EYS: variants seen among roughly 807,000 people sequenced by gnomAD.
The protein encoded by EYS is protein eyes shut homolog.
In EYS, 250 loss-of-function variants were observed where a neutral mutation model predicts 282.1. The observed-to-expected ratio is 0.89, with a 90% CI of 0.80 to 0.98. The LOEUF is 0.98. Among genes scored for constraint, EYS ranks in the 50% least tolerant of loss-of-function variants. The pLI is 0.00. For missense variants in EYS, 4,016 were observed against 3,709.0 expected, an observed-to-expected ratio of 1.08 and a Z score of -2.15; for synonymous variants, 1,355 against 1,282.9, an observed-to-expected ratio of 1.06 and a Z score of -1.20.
rs573364844 is a variant in EYS at position 64,198,004 on chromosome 6, T to C, written c.6424+32588A>G. Among the ~76,000 whole-genome samples, 4 of 150,546 alleles carry C rather than the reference T, an allele frequency of 2.7e-5. No homozygotes were observed. In the East Asian group the frequency reaches 5.8e-4, roughly 22 times the overall value. On this transcript the variant is annotated intron_variant, in intron 31 of 42. Transcript: ENST00000503581. ...TTTTATTTATTTATTTATTTATTTA[T>C]TTTTTTGAGACGGAGTCTCGCTCTG...
intron 31 of EYS, among the ~76,000 whole-genome samples, chr6:64,170,156 G>A (rs1160015207): frequency 2.6e-5 from 4 of 151,992 alleles, no homozygotes; most frequent in Non-Finnish European, 5.9e-5. Context: ...TTGCTTTTCC[G>A]CATTGTCCCA....
chr6:64,291,592 G>A (rs549998248), intron 30 of EYS, among the ~76,000 whole-genome samples: 1 of 152,152 alleles, frequency 6.6e-6, no homozygotes, highest in African/African-American at 2.4e-5. Flanking sequence ...GTGCAGGGAA[G>A]TGAAACTATA....
At chr6:64,701,965 G>C (rs1770807588) in intron 22 of EYS, among the ~76,000 whole-genome samples, 1 of 151,764 alleles carries the variant, frequency 6.6e-6, no homozygotes, top group Non-Finnish European at 1.5e-5. Context: ...AGAATGGAGT[G>C]CATATTATGT....
intron 5 of EYS, among the ~76,000 whole-genome samples, chr6:65,424,647 T>G (rs2150379442): frequency 6.6e-6 from 1 of 152,150 alleles, no homozygotes. Flanking sequence ...AGAGTAGGTA[T>G]CCTAAGTTTA....
chr6:64,439,007 A>G lies in EYS; in HGVS notation c.5835+155T>C, dbSNP rs3904083. ...TTGGTTGTTGTTGGTTCATATATAC[A>G]TAGAAAGAAATTATAAAAGTAGAGG... is the stretch of plus-strand genomic sequence containing the variant. On this transcript the variant is annotated intron_variant, in intron 27 of 42. Transcript: ENST00000503581. 0.28 allele frequency among the ~76,000 whole-genome samples: 41,675 copies of G among 151,510 alleles called. 5,834 individuals are homozygous for G. Among genetic ancestry groups the G allele is most frequent in the East Asian group, 0.43 (2,212 of 5,176 alleles).
At chr6:64,830,926 C>T (rs1765193492) in intron 19 of EYS, among the ~76,000 whole-genome samples, 1 of 151,988 alleles carries the variant, frequency 6.6e-6, no homozygotes, top group Admixed American at 6.6e-5. Flanking sequence ...AAGGGGTCTG[C>T]CTTGCCCAAG....
intron 26 of EYS, among the ~76,000 whole-genome samples, chr6:64,516,537 G>T (rs1244619768): frequency 6.6e-6 from 1 of 151,572 alleles, no homozygotes; most frequent in Non-Finnish European, 1.5e-5. Flanking sequence ...CTGTGTAATG[G>T]GTAAACAAAT....
At chr6:65,619,836 G>T in intron 2 of EYS, among the ~76,000 whole-genome samples, 1 of 150,666 alleles carries the variant, frequency 6.6e-6, no homozygotes, top group South Asian at 2.1e-4. Context: ...CTTTGGTTCT[G>T]TTTATATGCT....
At chr6:64,690,302 G>A (rs1239629287) in intron 22 of EYS, among the ~76,000 whole-genome samples, 1 of 152,082 alleles carries the variant, frequency 6.6e-6, no homozygotes, top group African/African-American at 2.4e-5. Flanking sequence ...CAGTTAGAAT[G>A]GTGATCATTA....
chr6:64,964,212 C>T (rs928564374), intron 14 of EYS, among the ~76,000 whole-genome samples: 11 of 151,964 alleles, frequency 7.2e-5, no homozygotes, highest in African/African-American at 1.7e-4. Flanking sequence ...ATAGGGCTCT[C>T]GATATGTATT....
chr6:64,316,087 A>T (rs1582586506), intron 29 of EYS, among the ~76,000 whole-genome samples: 1 of 152,064 alleles, frequency 6.6e-6, no homozygotes, highest in Non-Finnish European at 1.5e-5. Context: ...AAGAGCAATT[A>T]ATGACAAACT....
At chr6:64,801,701 A>C (rs1475957577) in intron 22 of EYS, among the ~76,000 whole-genome samples, 17 of 152,282 alleles carry the variant, frequency 1.1e-4, no homozygotes, top group Non-Finnish European at 1.5e-5. Context: ...GAATTATATC[A>C]AAGAAAGAAA....
chr6:65,345,315 TAATGATAGGTCAATAAA>T (rs1317890985), intron 9 of EYS, among the ~76,000 whole-genome samples: 1 of 151,810 alleles, frequency 6.6e-6, no homozygotes, highest in Non-Finnish European at 1.5e-5. Flanking sequence ...TCAGTAAATT[TAATGATAGGTCAATAAA>T]AATTCTACCT....
intron 2 of EYS, among the ~76,000 whole-genome samples, chr6:65,610,746 A>G (rs1057294397): frequency 1.3e-5 from 2 of 152,148 alleles, no homozygotes; most frequent in African/African-American, 4.8e-5. Context: ...CAGCTTCCTT[A>G]TGATCAAAGC....
chr6:65,681,327 A>ATAAAATC (rs1768807052), intron 1 of EYS, among the ~76,000 whole-genome samples: 1 of 152,018 alleles, frequency 6.6e-6, no homozygotes, highest in Non-Finnish European at 1.5e-5. Flanking sequence ...ATATGAAAAG[A>ATAAAATC]CTTTGGAGAT....
chr6:63,862,255 CT>C (rs1562065433), intron 36 of EYS, among the ~76,000 whole-genome samples: 1 of 151,880 alleles, frequency 6.6e-6, no homozygotes, highest in Admixed American at 6.6e-5. Context: ...TTTTTATTTT[CT>C]TTTTATCTTT....
intron 12 of EYS, among the ~76,000 whole-genome samples, chr6:65,155,370 A>C (rs1158280889): frequency 6.6e-6 from 1 of 151,498 alleles, no homozygotes; most frequent in East Asian, 1.9e-4. Context: ...AACATGTACC[A>C]TTATTTCCTT....
At chr6:64,959,065 A>T (rs1330007316) in intron 14 of EYS, among the ~76,000 whole-genome samples, 1 of 152,182 alleles carries the variant, frequency 6.6e-6, no homozygotes, top group Non-Finnish European at 1.5e-5. Context: ...TTGCATTAGA[A>T]ACCAGTAGGG....
At chr6:64,935,175 G>A (rs79114908) in intron 15 of EYS, among the ~76,000 whole-genome samples, 2,916 of 151,574 alleles carry the variant, frequency 0.019, 45 homozygotes, top group Non-Finnish European at 0.033. Context: ...GTGTTAAAGT[G>A]GTATATCAGA....
Sources: allele counts gnomAD v4.1 joint callset (sites outside exome capture counted in the v4.1 genomes callset), GRCh38; gene constraint gnomAD v4.1.1; transcripts MANE v1.5; gene names NCBI Gene and HGNC (gene_info 2026-07-23, HGNC 2026-07-21).